RPS27L: variants seen among roughly 807,000 people sequenced by gnomAD.
RPS27L encodes ribosomal protein eS27-like.
In RPS27L, 10 loss-of-function variants were observed where a neutral mutation model predicts 12.8. The ratio of observed to expected loss-of-function variants is 0.78; its 90% CI spans 0.48 to 1.33. The LOEUF (loss-of-function observed/expected upper bound fraction) is 1.33, where lower values mean the gene tolerates loss of function less well. Among genes scored for constraint, RPS27L ranks in the 40% most tolerant of loss-of-function variants. RPS27L has a pLI of 0.00. For missense variants in RPS27L, 81 were observed against 97.4 expected, an observed-to-expected ratio of 0.83 and a Z score of 0.71; for synonymous variants, 26 against 32.3, an observed-to-expected ratio of 0.81 and a Z score of 0.66.
rs941654276 is a variant in RPS27L at position 63,148,804 on chromosome 15, G to A, written c.*5228C>T. 6.6e-6 allele frequency: 1 copy of A among 151,138 alleles called. No homozygotes were observed. The highest frequency in any genetic ancestry group is 2.4e-5 in the African/African-American group (1 of 41,054). The allele number at this position is 151,138 out of a possible 1,614,324, so 9.4% of individuals were successfully genotyped here. On this transcript the variant is annotated 3_prime_UTR_variant, in exon 4 of 4. Transcript: ENST00000330964. ...ATCTCCTTTGAAACAAAATTCAAAG[G>A]CTATTTAAGTGTCGATCAATAGCAA...
chr15:63,157,140 C>T (rs987866606), intron 1 of RPS27L: 6 of 557,784 alleles, frequency 1.1e-5, no homozygotes, highest in Non-Finnish European at 1.9e-5. Context: ...AAGACCAAGA[C>T]CGCTCATAAG....
rs77458305 is a variant in RPS27L at position 63,150,415 on chromosome 15, G to T, written c.*3617C>A. 3.3e-5 allele frequency: 5 copies of T among 152,314 alleles called. No individual in the cohort carries two copies. The highest frequency in any genetic ancestry group is 1.2e-4 in the African/African-American group (5 of 41,568). The allele number at this position is 152,314 out of a possible 1,614,324, so 9.4% of individuals were successfully genotyped here. On this transcript the variant is annotated 3_prime_UTR_variant, in exon 4 of 4. Coordinates refer to ENST00000330964, the MANE Select transcript of RPS27L (RefSeq NM_015920.4). ...GTTTCTTTCTAAGGTGATGAAAATG[G>T]TCTGGGATTAGACAGTAGTAATGGT... is the stretch of plus-strand genomic sequence containing the variant.
intron 1 of RPS27L, chr15:63,156,731 C>T (rs186266376): frequency 3.3e-6 from 2 of 611,492 alleles, no homozygotes; most frequent in Non-Finnish European, 5.7e-6. Context: ...TAGAAAAGGG[C>T]TTTCGCACGA....
At position 63,153,837 on chromosome 15, in the gene RPS27L, AAAG is replaced by A. The variant is rs1202140743; in HGVS notation, c.*192_*194del. The A allele has an allele frequency of 3.5e-6, 2 of 572,756 alleles. No homozygotes were observed. The highest frequency in any genetic ancestry group is 6.2e-6 in the Non-Finnish European group (2 of 320,710). The allele number at this position is 572,756 out of a possible 1,614,324, so 35.5% of individuals were successfully genotyped here. On this transcript the variant is annotated 3_prime_UTR_variant, in exon 4 of 4. Coordinates refer to ENST00000330964, the MANE Select transcript of RPS27L (RefSeq NM_015920.4). ...TGGCATACTCAAATATATTTTAAAA[AAAG>A]AAAAAGAGGGGATTTGCCCATAATC...
At position 63,148,886 on chromosome 15, in the gene RPS27L, T is replaced by C. The variant is rs1320095139; in HGVS notation, c.*5146A>G. ...TTTTTTTTTTTTTTTTCTGAGACAGTCTTGCTCTGTCGCCCAGGCTGGAGT... is the reference window on the plus strand; with the variant it reads ...TTTTTTTTTTTTTTTTCTGAGACAGCCTTGCTCTGTCGCCCAGGCTGGAGT... On this transcript the variant is annotated 3_prime_UTR_variant, in exon 4 of 4. Coordinates refer to ENST00000330964, the MANE Select transcript of RPS27L (RefSeq NM_015920.4). The C allele has an allele frequency of 6.9e-6, 1 of 145,166 alleles. No individual in the cohort carries two copies. Among genetic ancestry groups the C allele is most frequent in the Admixed American group, 7.1e-5 (1 of 14,096 alleles). The allele number at this position is 145,166 out of a possible 1,614,324, so 9.0% of individuals were successfully genotyped here.
chr15:63,156,158 A>C (rs988917083), intron 2 of RPS27L, among the ~76,000 whole-genome samples: 2 of 152,232 alleles, frequency 1.3e-5, no homozygotes, highest in Non-Finnish European at 2.9e-5. Context: ...ATGAAACAGA[A>C]AACTCATCGT....
rs2037314334 is a variant in RPS27L at position 63,153,669 on chromosome 15, G to A, written c.*363C>T. On this transcript the variant is annotated 3_prime_UTR_variant, in exon 4 of 4. Coordinates refer to ENST00000330964, the MANE Select transcript of RPS27L (RefSeq NM_015920.4). ...GGACCTGGGAGGCGGAGGTTGCAGTGAGCCGAGATCGCACCACTGCACTCC... is the reference window on the plus strand; with the variant it reads ...GGACCTGGGAGGCGGAGGTTGCAGTAAGCCGAGATCGCACCACTGCACTCC... 1.1e-5 allele frequency: 2 copies of A among 179,530 alleles called. No individual in the cohort carries two copies. The highest frequency in any genetic ancestry group is 4.8e-5 in the African/African-American group (2 of 41,606). The allele number at this position is 179,530 out of a possible 1,614,324, so 11.1% of individuals were successfully genotyped here.
chr15:63,153,449 G>A lies in RPS27L; in HGVS notation c.*583C>T, dbSNP rs527567761. Reference sequence around the variant, plus strand: ...AGATGTTTCCACAGGTACAACAGCAGAACTACATTTAGAATTCACAAATAA... The same window carrying A: ...AGATGTTTCCACAGGTACAACAGCAAAACTACATTTAGAATTCACAAATAA... On this transcript the variant is annotated 3_prime_UTR_variant, in exon 4 of 4. Transcript: ENST00000330964. The A allele has an allele frequency of 6.6e-6, 1 of 152,154 alleles. No homozygotes were observed. Among genetic ancestry groups the A allele is most frequent in the African/African-American group, 2.4e-5 (1 of 41,426 alleles). 9.4% of individuals were successfully genotyped at this position (152,154 alleles called of 1,614,324 possible).
Position 63,151,224 on chromosome 15 carries a change from T to C in RPS27L, c.*2808A>G, listed in dbSNP as rs981138737. ...ATACACCATTCGTTTCCCAATGCCA[T>C]GTAAATCCTTAGATGTGTTCTTTCT... On this transcript the variant is annotated 3_prime_UTR_variant, in exon 4 of 4. Coordinates refer to ENST00000330964, the MANE Select transcript of RPS27L (RefSeq NM_015920.4). 6.6e-6 allele frequency: 1 copy of C among 152,162 alleles called. No homozygotes were observed. The highest frequency in any genetic ancestry group is 1.5e-5 in the Non-Finnish European group (1 of 68,032). 9.4% of individuals were successfully genotyped at this position (152,162 alleles called of 1,614,324 possible).
At position 63,153,001 on chromosome 15, in the gene RPS27L, T is replaced by C. The variant is rs1013837340; in HGVS notation, c.*1031A>G. On this transcript the variant is annotated 3_prime_UTR_variant, in exon 4 of 4. Coordinates refer to ENST00000330964, the MANE Select transcript of RPS27L (RefSeq NM_015920.4). ...AAACTGGACTATCTTCCTAGTCCAA[T>C]GAGGAGTTGTATAGTGAGTGGATAC... 1 of 152,226 alleles carries C rather than the reference T, an allele frequency of 6.6e-6. No individual in the cohort carries two copies. The highest frequency in any genetic ancestry group is 2.4e-5 in the African/African-American group (1 of 41,450). The allele number at this position is 152,226 out of a possible 1,614,324, so 9.4% of individuals were successfully genotyped here. A position where few individuals can be genotyped will look rare whatever the true frequency, so the allele number is the denominator to read the frequency against.
chr15:63,156,568 T>C (rs2037333941), intron 1 of RPS27L, 47 bp from the exon 2 acceptor site: 1 of 1,179,590 alleles, frequency 8.5e-7, no homozygotes. Flanking sequence ...ACCACAACGC[T>C]GGCACATTTA....
At position 63,152,947 on chromosome 15, in the gene RPS27L, A is replaced by G. The variant is rs2037309953; in HGVS notation, c.*1085T>C. On this transcript the variant is annotated 3_prime_UTR_variant, in exon 4 of 4. Coordinates refer to ENST00000330964, the MANE Select transcript of RPS27L (RefSeq NM_015920.4). ...ATGCCTGTTTTAAATACCTGCCACAAGGTAACAAATCAAATAGAAGCAGAG... is the reference window on the plus strand; with the variant it reads ...ATGCCTGTTTTAAATACCTGCCACAGGGTAACAAATCAAATAGAAGCAGAG... 6.6e-6 allele frequency: 1 copy of G among 152,204 alleles called. No homozygotes were observed. Among genetic ancestry groups the G allele is most frequent in the Non-Finnish European group, 1.5e-5 (1 of 68,052 alleles). 9.4% of individuals were successfully genotyped at this position (152,204 alleles called of 1,614,324 possible).
chr15:63,151,138 T>G lies in RPS27L; in HGVS notation c.*2894A>C, dbSNP rs765802446. Reference sequence around the variant, plus strand: ...CCTGAAGTTTGGGAAAGTCCTGGTGTCCTATTCAGCACTTTTCAAAACCAG... The same window carrying G: ...CCTGAAGTTTGGGAAAGTCCTGGTGGCCTATTCAGCACTTTTCAAAACCAG... On this transcript the variant is annotated 3_prime_UTR_variant, in exon 4 of 4. Transcript: ENST00000330964. 1.3e-5 allele frequency: 2 copies of G among 152,226 alleles called. No homozygotes were observed. Among genetic ancestry groups the G allele is most frequent in the Admixed American group, 6.5e-5 (1 of 15,280 alleles). 9.4% of individuals were successfully genotyped at this position (152,226 alleles called of 1,614,324 possible).
At chr15:63,156,545 C>A in intron 1 of RPS27L, 24 bp from the exon 2 acceptor site, 1 of 1,416,486 alleles carries the variant, frequency 7.1e-7, no homozygotes, top group East Asian at 2.3e-5. Context: ...CATATTATTA[C>A]TATTAGTTTT....
chr15:63,156,565 C>A, intron 1 of RPS27L, 44 bp from the exon 2 acceptor site: 1 of 1,196,508 alleles, frequency 8.4e-7, no homozygotes, highest in Non-Finnish European at 1.2e-6. Flanking sequence ...TAAACCACAA[C>A]GCTGGCACAT....
At chr15:63,154,329 G>T (rs2037318745) in intron 3 of RPS27L, 2 of 388,782 alleles carry the variant, frequency 5.1e-6, no homozygotes, top group East Asian at 8.6e-5. Context: ...ATTCAACAGT[G>T]AAGACTGTTT....
At chr15:63,156,960 G>C (rs2037336401) in intron 1 of RPS27L, 1 of 352,260 alleles carries the variant, frequency 2.8e-6, no homozygotes, top group Non-Finnish European at 5.1e-6. Context: ...AGGAATTCTT[G>C]CTGAGCGACC....
Position 63,148,921 on chromosome 15 carries a change from C to CGT in RPS27L, c.*5110_*5111insAC, listed in dbSNP as rs1340666849. 3 of 143,580 alleles carry CGT rather than the reference C, an allele frequency of 2.1e-5. No individual in the cohort carries two copies. The highest frequency in any genetic ancestry group is 4.5e-5 in the Non-Finnish European group (3 of 67,082). The allele number at this position is 143,580 out of a possible 1,614,324, so 8.9% of individuals were successfully genotyped here. A position where few individuals can be genotyped will look rare whatever the true frequency, so the allele number is the denominator to read the frequency against. ...TCGCCCAGGCTGGAGTGCAGTGGTA[C>CGT]GATCTGGGCTCACTGCAAGCTCCGC... is the stretch of plus-strand genomic sequence containing the variant. On this transcript the variant is annotated 3_prime_UTR_variant, in exon 4 of 4. Coordinates refer to ENST00000330964, the MANE Select transcript of RPS27L (RefSeq NM_015920.4).
chr15:63,156,736 G>C (rs1261515350), intron 1 of RPS27L: 1 of 608,024 alleles, frequency 1.6e-6, no homozygotes, highest in African/African-American at 1.9e-5. Context: ...AAGGGCTTTC[G>C]CACGATCAGG....
Sources: gnomAD v4.1 joint callset for allele counts (sites outside exome capture counted in the v4.1 genomes callset) on GRCh38, gnomAD v4.1.1 for gene constraint, MANE v1.5 for transcripts, NCBI Gene and HGNC (gene_info 2026-07-23, HGNC 2026-07-21) for gene names.